UBR1: variants seen among roughly 807,000 people sequenced by gnomAD.
The protein encoded by UBR1 is ubiquitin protein ligase E3 component n-recognin 1.
UBR1 carries 102 observed loss-of-function variants against 242.1 expected under a neutral mutation model. The ratio of observed to expected loss-of-function variants is 0.42; its 90% CI spans 0.36 to 0.50. The LOEUF (loss-of-function observed/expected upper bound fraction) is 0.50, where lower values mean the gene tolerates loss of function less well. Among genes scored for constraint, UBR1 ranks in the 20% least tolerant of loss-of-function variants. The probability of loss-of-function intolerance (pLI) is 0.01; values close to 1 mark genes in which losing one functional copy is unlikely to be tolerated. For missense variants in UBR1, 1,772 were observed against 2,101.8 expected (o/e 0.84, Z 3.07); for synonymous variants, 675 against 684.8 (o/e 0.99, Z 0.22).
chr15:42,964,177 C>G (rs772020910), intron 41 of UBR1, 134 bp from the exon 42 acceptor site: 5 of 713,790 alleles, frequency 7.0e-6, no homozygotes, highest in Non-Finnish European at 1.2e-5. Flanking sequence ...TCTATAAAAC[C>G]ATGGGTGGCA....
At position 42,976,830 on chromosome 15, in the gene UBR1, T is replaced by A. The variant is rs1596082433; in HGVS notation, c.4256A>T (p.Asp1419Val). 3 of 1,614,012 alleles carry A rather than the reference T, an allele frequency of 1.9e-6. No individual in the cohort carries two copies. The South Asian group carries it at 3.3e-5, about 18-fold the overall frequency. Reference sequence around the variant, plus strand: ...AGAAGGCTGCAGATCAACAGGGTCATCCCAATACAAGGATGGGAATGCTAA... The same window carrying A: ...AGAAGGCTGCAGATCAACAGGGTCAACCCAATACAAGGATGGGAATGCTAA... ...AVLAFPSLYW[D>V]DPVDLQPSSV... Residue 1419 changes from aspartate (D) to valine (V), a missense_variant, in exon 39 of 47, where the codon GAT becomes GTT. This residue lies in a region of UBR1 where 965 missense variants were observed against 1,079.7 expected (regional missense o/e 0.89). Transcript: ENST00000290650.
At chr15:43,026,446 T>C in intron 23 of UBR1, 115 bp downstream of exon 23, 1 of 765,106 alleles carries the variant, frequency 1.3e-6, no homozygotes, top group East Asian at 2.6e-5. Context: ...GGTGACATAA[T>C]GACCTCTATT....
chr15:42,974,783 A>AT (rs113979547), intron 39 of UBR1, among the ~76,000 whole-genome samples: 2,267 of 150,016 alleles, frequency 0.015, 65 homozygotes, highest in African/African-American at 0.052. Context: ...AAATTTTCCT[A>AT]TTTTTTTTTA....
intron 3 of UBR1, among the ~76,000 whole-genome samples, chr15:43,081,178 G>A (rs2033969998): frequency 6.6e-6 from 1 of 152,172 alleles, no homozygotes; most frequent in Admixed American, 6.5e-5. Flanking sequence ...CAGCACTTCA[G>A]GAGGCTGAGG....
At chr15:43,010,055 G>C (rs764020621) in intron 29 of UBR1, among the ~76,000 whole-genome samples, 5 of 152,082 alleles carry the variant, frequency 3.3e-5, no homozygotes, top group African/African-American at 7.2e-5. Flanking sequence ...TGTATTTTTA[G>C]TAGAGACGGA....
intron 38 of UBR1, 21 bp downstream of exon 38, chr15:42,977,859 A>G (rs1221200483): frequency 6.3e-7 from 1 of 1,598,190 alleles, no homozygotes; most frequent in African/African-American, 1.3e-5. Flanking sequence ...AGTGACTTAA[A>G]CAAAATTACT....
intron 9 of UBR1, 102 bp from the exon 10 acceptor site, chr15:43,058,531 T>C: frequency 1.3e-6 from 1 of 750,930 alleles, no homozygotes; most frequent in Non-Finnish European, 2.3e-6. Flanking sequence ...TAAAATTACT[T>C]CACATGCAAA....
chr15:43,030,129 C>G, intron 20 of UBR1, 61 bp from the exon 21 acceptor site: 1 of 1,559,450 alleles, frequency 6.4e-7, no homozygotes, highest in South Asian at 1.1e-5. Flanking sequence ...TTAAATCTCT[C>G]CCCATCAGAA....
chr15:43,012,924 G>T (rs193241955), intron 29 of UBR1, among the ~76,000 whole-genome samples: 6 of 150,574 alleles, frequency 4.0e-5, no homozygotes, highest in African/African-American at 1.5e-4. Context: ...TTTTTTTTTT[G>T]AGATGGAGTC....
chr15:42,984,838 G>GA, intron 36 of UBR1, 49 bp downstream of exon 36: 3 of 1,493,784 alleles, frequency 2.0e-6, no homozygotes, highest in Non-Finnish European at 1.9e-6. Context: ...CTGTGGGGGG[G>GA]AAAAAAGGCA....
At chr15:43,029,378 C>G (rs754746941) in intron 21 of UBR1, among the ~76,000 whole-genome samples, 99 of 152,254 alleles carry the variant, frequency 6.5e-4, no homozygotes, top group Admixed American at 2.8e-3. Flanking sequence ...GCCTCAACTG[C>G]TGTGCTCTGG....
At chr15:42,948,977 C>T (rs1487013453) in intron 46 of UBR1, among the ~76,000 whole-genome samples, 2 of 152,098 alleles carry the variant, frequency 1.3e-5, no homozygotes, top group African/African-American at 4.8e-5. Flanking sequence ...GACACATGCA[C>T]ACGTATGTTT....
intron 40 of UBR1, among the ~76,000 whole-genome samples, chr15:42,968,008 T>C (rs1396297926): frequency 4.6e-5 from 7 of 151,790 alleles, no homozygotes; most frequent in Admixed American, 3.3e-4. Context: ...GTTATGTATA[T>C]ATTACATGCA....
chr15:43,020,103 G>A (rs910178523), intron 27 of UBR1, among the ~76,000 whole-genome samples: 1 of 151,672 alleles, frequency 6.6e-6, no homozygotes, highest in Non-Finnish European at 1.5e-5. Flanking sequence ...GCAGTGGTGC[G>A]ATCTTGGCTC....
Position 43,082,706 on chromosome 15 carries a change from T to G in UBR1, c.349A>C (p.Ile117Leu). The change falls in exon 3 of 47, where the codon ATT becomes CTT. Residue 117 changes from isoleucine to leucine, a missense_variant. Physicochemically the swap from Ile to Leu is conservative, Grantham distance 5. Transcript: ENST00000290650. The stretch of plus-strand genomic sequence containing the variant: ...ATACAGAGTACACATGTTGGATCAA[T>G]TGCACAATCCCTGAAAAAGATCAGA... ...ETTYSCRDCA[I>L]DPTCVLCMDC... The G allele has an allele frequency of 8.7e-6, 14 of 1,613,764 alleles. No individual in the cohort carries two copies. The highest frequency in any genetic ancestry group is 1.1e-5 in the Non-Finnish European group (13 of 1,179,788).
rs764345315 is a variant in UBR1, at chr15:43,070,792, C to G, written c.659+3G>C. 1.6e-5 allele frequency: 26 copies of G among 1,612,898 alleles called. No homozygotes were observed. The highest frequency in any genetic ancestry group is 2.2e-5 in the Non-Finnish European group (26 of 1,179,952). On this transcript the variant is annotated splice_donor_region_variant and intron_variant, in intron 5 of 46. Transcript: ENST00000290650. ...ACTTGTTCCGTTTGACAGTTTTCCC[C>G]ACCTTATCTGGAGTTCAGGAGGCAG...
At chr15:43,073,666 G>A (rs539884265) in intron 4 of UBR1, among the ~76,000 whole-genome samples, 125 of 152,148 alleles carry the variant, frequency 8.2e-4, no homozygotes, top group African/African-American at 2.9e-3. Context: ...AGGAACTCAC[G>A]GATTTTTATA....
chr15:43,016,503 A>G (rs1026346463), intron 28 of UBR1, among the ~76,000 whole-genome samples: 1 of 152,198 alleles, frequency 6.6e-6, no homozygotes, highest in African/African-American at 2.4e-5. Flanking sequence ...CATGCTGTTG[A>G]TGAAAGTCAT....
chr15:43,102,579 T>C (rs530409377), intron 1 of UBR1, among the ~76,000 whole-genome samples: 2 of 152,332 alleles, frequency 1.3e-5, no homozygotes, highest in South Asian at 4.1e-4. Context: ...GAAGAAAATC[T>C]AGTCGAGGAA....
Sources: allele counts gnomAD v4.1 joint callset (sites outside exome capture counted in the v4.1 genomes callset), GRCh38; gene constraint gnomAD v4.1.1; regional missense constraint gnomAD v4.1.1; transcripts MANE v1.5; gene names NCBI Gene and HGNC (gene_info 2026-07-23, HGNC 2026-07-21).